Variants in SMARCC1 observed in about 807,000 individuals in gnomAD.
SMARCC1 encodes SWI/SNF related BAF chromatin remodeling complex subunit C1.
In SMARCC1, 43 loss-of-function variants were observed where a neutral mutation model predicts 147.4. The ratio of observed to expected loss-of-function variants is 0.29; its 90% CI spans 0.23 to 0.38. SMARCC1 has a LOEUF of 0.38. Among genes scored for constraint, SMARCC1 ranks in the 10% least tolerant of loss-of-function variants. SMARCC1 has a pLI of 1.00. For synonymous variants in SMARCC1, 495 were observed against 484.4 expected (o/e 1.02, Z -0.29); for missense variants, 1,119 against 1,381.1 (o/e 0.81, Z 3.01).
chr3:47,660,496 CT>C (rs2033331421), intron 21 of SMARCC1, among the ~76,000 whole-genome samples: 1 of 138,534 alleles, frequency 7.2e-6, no homozygotes, highest in Non-Finnish European at 1.6e-5. Context: ...TGTCCATGAA[CT>C]GACAAATAAA....
intron 2 of SMARCC1, among the ~76,000 whole-genome samples, chr3:47,752,325 A>G (rs2034638340): frequency 6.6e-6 from 1 of 152,188 alleles, no homozygotes; most frequent in Non-Finnish European, 1.5e-5. Flanking sequence ...TCTTAGAGAC[A>G]TTCACTGAAC....
At chr3:47,597,242 G>A (rs944233339) in intron 26 of SMARCC1, among the ~76,000 whole-genome samples, 3 of 152,090 alleles carry the variant, frequency 2.0e-5, no homozygotes, top group Admixed American at 6.5e-5. Flanking sequence ...CTAAAGCAGT[G>A]AACTCCTGGG....
chr3:47,609,713 T>C lies in SMARCC1; in HGVS notation c.3043+353A>G, dbSNP rs191906563. ...AAAAGTGGCAGAAAGATGATGGTTG[T>C]TGAAACCAGGTCATGGGAGTTTGCT... On this transcript the variant is annotated intron_variant, in intron 26 of 27. Coordinates refer to ENST00000254480, the MANE Select transcript of SMARCC1 (RefSeq NM_003074.4). 5.2e-4 allele frequency among the ~76,000 whole-genome samples: 79 copies of C among 152,368 alleles called. 1 individual carries two copies. The highest frequency in any genetic ancestry group is 7.2e-4 in the Non-Finnish European group (49 of 68,040).
At chr3:47,738,677 C>T (rs1053946612) in intron 3 of SMARCC1, among the ~76,000 whole-genome samples, 7 of 150,148 alleles carry the variant, frequency 4.7e-5, no homozygotes, top group African/African-American at 1.7e-4. Flanking sequence ...AGCAAGACTC[C>T]GTCTCAAAAA....
At chr3:47,758,545 T>TA (rs2034731010) in intron 2 of SMARCC1, among the ~76,000 whole-genome samples, 1 of 151,912 alleles carries the variant, frequency 6.6e-6, no homozygotes, top group Non-Finnish European at 1.5e-5. Flanking sequence ...AAATCAAAAT[T>TA]AAAGTTTTAC....
Position 47,739,606 on chromosome 3 carries a change from T to C in SMARCC1, c.402-1496A>G, listed in dbSNP as rs530504195. Among the ~76,000 whole-genome samples the C allele has an allele frequency of 5.9e-5, 9 of 152,304 alleles. No individual in the cohort carries two copies. In the East Asian group the frequency reaches 1.7e-3, roughly 29 times the overall value. ...ACCTCAGCCTCCCAAAGTGCTGACATTACAGGGGTGAGCCAACACGCCTGG... is the reference window on the plus strand; with the variant it reads ...ACCTCAGCCTCCCAAAGTGCTGACACTACAGGGGTGAGCCAACACGCCTGG... On this transcript the variant is annotated intron_variant, in intron 3 of 27. Coordinates refer to ENST00000254480, the MANE Select transcript of SMARCC1 (RefSeq NM_003074.4).
chr3:47,663,015 G>T (rs1156679898), intron 19 of SMARCC1, among the ~76,000 whole-genome samples: 1 of 149,278 alleles, frequency 6.7e-6, no homozygotes, highest in Admixed American at 6.7e-5. Flanking sequence ...GGCAGAAGTT[G>T]CAGTGAGCCG....
chr3:47,719,559 G>A (rs1291362990), intron 7 of SMARCC1, among the ~76,000 whole-genome samples: 1 of 151,756 alleles, frequency 6.6e-6, no homozygotes, highest in Admixed American at 6.6e-5. Context: ...AAATTAGCCA[G>A]GCATGGTTGG....
At chr3:47,773,242 C>T (rs539721438) in intron 1 of SMARCC1, among the ~76,000 whole-genome samples, 7 of 151,932 alleles carry the variant, frequency 4.6e-5, no homozygotes, top group African/African-American at 1.7e-4. Context: ...ATTCTCCTGC[C>T]TCAGTCTCCA....
intron 21 of SMARCC1, among the ~76,000 whole-genome samples, chr3:47,660,493 G>T (rs893086546): frequency 5.6e-5 from 8 of 141,928 alleles, no homozygotes; most frequent in Non-Finnish European, 9.3e-5. Flanking sequence ...AAATGTCCAT[G>T]AACTGACAAA....
At position 47,697,933 on chromosome 3, in the gene SMARCC1, G is replaced by A. The variant is rs566134115; in HGVS notation, c.1165+3345C>T. Among the ~76,000 whole-genome samples, 343 of 146,638 alleles carry A rather than the reference G, an allele frequency of 2.3e-3. 1 individual carries two copies. The highest frequency in any genetic ancestry group is 3.7e-3 in the Non-Finnish European group (248 of 66,876). ...TGAGGCAGGAGAACGGTGTGAACCT[G>A]GGAGGTAAAGCGTGCAGTGAGTCGA... On this transcript the variant is annotated intron_variant, in intron 11 of 27. Coordinates refer to ENST00000254480, the MANE Select transcript of SMARCC1 (RefSeq NM_003074.4).
intron 12 of SMARCC1, among the ~76,000 whole-genome samples, chr3:47,689,942 C>T (rs1309429399): frequency 6.6e-6 from 1 of 152,088 alleles, no homozygotes; most frequent in African/African-American, 2.4e-5. Flanking sequence ...ACTGCCAGTA[C>T]AGAATAGGAA....
Position 47,781,769 on chromosome 3 carries a change from G to T in SMARCC1, c.29C>A (p.Pro10Gln), listed in dbSNP as rs924617627. The T allele has an allele frequency of 2.0e-6, 3 of 1,474,054 alleles. No individual in the cohort carries two copies. The highest frequency in any genetic ancestry group is 2.7e-6 in the Non-Finnish European group (3 of 1,116,112). 91.3% of individuals were successfully genotyped at this position (1,474,054 alleles called of 1,614,324 possible). ...GCCCGTGGCGCCTACCGCTGTCCCC[G>T]GCCCGCCGCCGCCCGCCGCTGCGGC... MAAAAGGGG[P>Q]GTAVGATGSG... The change falls in exon 1 of 28, where the codon CCG becomes CAG. Residue 10 changes from proline to glutamine, a missense_variant. By Grantham distance (76) the Pro-to-Gln change is moderately conservative (BLOSUM62 -1). This residue lies in a region of SMARCC1 where 542 missense variants were observed against 611.8 expected (regional missense o/e 0.89). Transcript: ENST00000254480.
At chr3:47,645,286 G>GT (rs1277351623) in intron 21 of SMARCC1, among the ~76,000 whole-genome samples, 1 of 147,756 alleles carries the variant, frequency 6.8e-6, no homozygotes, top group Non-Finnish European at 1.5e-5. Flanking sequence ...GCGAGACCCT[G>GT]TCCCCCCCAC....
At chr3:47,779,435 G>A (rs1246679318) in intron 1 of SMARCC1, among the ~76,000 whole-genome samples, 2 of 152,108 alleles carry the variant, frequency 1.3e-5, no homozygotes, top group Non-Finnish European at 1.5e-5. Flanking sequence ...CCACTTCAAC[G>A]CTAACACCCA....
At chr3:47,675,762 G>A (rs561232660) in intron 17 of SMARCC1, among the ~76,000 whole-genome samples, 174 bp from the exon 18 acceptor site, 5 of 152,056 alleles carry the variant, frequency 3.3e-5, no homozygotes, top group South Asian at 4.2e-4. Flanking sequence ...CCTGACCAAC[G>A]TGGTGAAACC....
At chr3:47,620,935 G>A (rs1039040592) in intron 25 of SMARCC1, among the ~76,000 whole-genome samples, 5 of 152,160 alleles carry the variant, frequency 3.3e-5, no homozygotes, top group Admixed American at 2.0e-4. Context: ...CAGTTTGGAG[G>A]TTTCTCAAAG....
intron 15 of SMARCC1, 120 bp from the exon 16 acceptor site, chr3:47,678,431 T>C (rs973436162): frequency 1.6e-5 from 8 of 498,310 alleles, no homozygotes; most frequent in Non-Finnish European, 2.2e-5. Flanking sequence ...GACAAGAGCA[T>C]AAAAAACATT....
chr3:47,686,286 G>C (rs898430715), intron 13 of SMARCC1, 116 bp from the exon 14 acceptor site: 10 of 809,416 alleles, frequency 1.2e-5, no homozygotes, highest in African/African-American at 1.2e-4. Context: ...GATTCGATCA[G>C]ATATTTGAAA....
Sources: gnomAD v4.1 joint callset for allele counts (sites outside exome capture counted in the v4.1 genomes callset) on GRCh38, gnomAD v4.1.1 for gene constraint, gnomAD v4.1.1 regional missense constraint, MANE v1.5 for transcripts, NCBI Gene and HGNC (gene_info 2026-07-23, HGNC 2026-07-21) for gene names.